The following JAK1 variants were observed in gnomAD, a reference collection of about 807,000 sequenced individuals.
The protein encoded by JAK1 is Janus kinase 1.
In JAK1, 16 loss-of-function variants were observed where a neutral mutation model predicts 136.6. The observed-to-expected ratio is 0.12, with a 90% CI of 0.08 to 0.18. The LOEUF (loss-of-function observed/expected upper bound fraction) is 0.18. JAK1 is among the 10% of genes least tolerant of loss of function. JAK1 has a pLI of 1.00. For synonymous variants in JAK1, 492 were observed against 519.5 expected (o/e 0.95, Z 0.72); for missense variants, 859 against 1,450.1 (o/e 0.59, Z 6.62).
At chr1:64,852,880 C>T (rs1233226621) in intron 11 of JAK1, among the ~76,000 whole-genome samples, 1 of 152,164 alleles carries the variant, frequency 6.6e-6, no homozygotes, top group African/African-American at 2.4e-5. Flanking sequence ...ACTGGCATTA[C>T]ATCTTAGTCA....
chr1:65,061,687 T>C (rs1647797940), intron 1 of JAK1, among the ~76,000 whole-genome samples: 1 of 152,226 alleles, frequency 6.6e-6, no homozygotes. Context: ...CACACTGAGA[T>C]GTTATAAACT....
intron 1 of JAK1, chr1:65,058,444 C>T: frequency 1.9e-6 from 1 of 534,418 alleles, no homozygotes; most frequent in South Asian, 1.4e-5. Flanking sequence ...TGCCATCCTT[C>T]AGTTATCACA....
chr1:65,036,438 G>T (rs1462394121), intron 2 of JAK1, among the ~76,000 whole-genome samples: 1 of 152,016 alleles, frequency 6.6e-6, no homozygotes, highest in Non-Finnish European at 1.5e-5. Context: ...CCCCGTGCAG[G>T]CCAAAGTTAT....
intron 11 of JAK1, among the ~76,000 whole-genome samples, chr1:64,853,975 T>C (rs562575483): frequency 5.9e-5 from 9 of 152,342 alleles, no homozygotes; most frequent in South Asian, 4.1e-4. Context: ...TAAATAGGGC[T>C]GTTGGGCTTT....
At chr1:64,935,305 T>C (rs1404148114) in intron 1 of JAK1, among the ~76,000 whole-genome samples, 1 of 152,106 alleles carries the variant, frequency 6.6e-6, no homozygotes, top group African/African-American at 2.4e-5. Flanking sequence ...TAACTCTTTT[T>C]TTTGTTTGTT....
At chr1:64,896,815 G>A (rs562201474) in intron 1 of JAK1, among the ~76,000 whole-genome samples, 18 of 152,276 alleles carry the variant, frequency 1.2e-4, no homozygotes, top group Admixed American at 2.0e-4. Flanking sequence ...TCCAGAGGAC[G>A]GCAGGGAAAA....
intron 6 of JAK1, 139 bp downstream of exon 6, chr1:64,869,172 A>C: frequency 1.4e-6 from 1 of 719,716 alleles, no homozygotes; most frequent in Non-Finnish European, 2.4e-6. Context: ...TGTATGTAGT[A>C]AACATTCTAA....
At chr1:64,861,582 G>A (rs188483154) in intron 8 of JAK1, among the ~76,000 whole-genome samples, 4 of 152,262 alleles carry the variant, frequency 2.6e-5, no homozygotes, top group Admixed American at 1.3e-4. Flanking sequence ...AAAAGCATCT[G>A]AGGCTTCAAA....
At chr1:64,953,393 G>A (rs1646125642) in intron 1 of JAK1, among the ~76,000 whole-genome samples, 1 of 152,104 alleles carries the variant, frequency 6.6e-6, no homozygotes, top group African/African-American at 2.4e-5. Flanking sequence ...AGTGGCAGAG[G>A]ACAGCCTCAC....
intron 1 of JAK1, among the ~76,000 whole-genome samples, chr1:64,963,003 C>T (rs1430901571): frequency 1.3e-5 from 2 of 152,168 alleles, no homozygotes; most frequent in Non-Finnish European, 2.9e-5. Context: ...ACCTGGGAGG[C>T]AGAGGTTGCA....
intron 1 of JAK1, among the ~76,000 whole-genome samples, chr1:64,932,048 T>C: frequency 6.6e-6 from 1 of 152,100 alleles, no homozygotes; most frequent in South Asian, 2.1e-4. Context: ...AACTGGATCC[T>C]CTGATCAGGT....
intron 1 of JAK1, among the ~76,000 whole-genome samples, chr1:64,926,977 T>C (rs1645593928): frequency 6.6e-6 from 1 of 152,234 alleles, no homozygotes; most frequent in East Asian, 1.9e-4. Flanking sequence ...GCTACTGTTA[T>C]CATCATCACT....
At chr1:64,931,362 A>C (rs1645688667) in intron 1 of JAK1, among the ~76,000 whole-genome samples, 1 of 152,040 alleles carries the variant, frequency 6.6e-6, no homozygotes, top group African/African-American at 2.4e-5. Flanking sequence ...TCCCATAAGA[A>C]GGGAGGGCCA....
intron 1 of JAK1, among the ~76,000 whole-genome samples, chr1:65,062,413 T>C (rs1179239823): frequency 6.6e-6 from 1 of 152,234 alleles, no homozygotes; most frequent in Non-Finnish European, 1.5e-5. Flanking sequence ...AATTAATCTA[T>C]GATTGCCTTA....
intron 1 of JAK1, among the ~76,000 whole-genome samples, chr1:64,900,354 T>A (rs1463867167): frequency 6.6e-6 from 1 of 152,172 alleles, no homozygotes; most frequent in Non-Finnish European, 1.5e-5. Flanking sequence ...ACAGATGAGC[T>A]CCATTCTAGG....
chr1:64,985,626 A>C (rs940550776), intron 2 of JAK1: 13 of 805,878 alleles, frequency 1.6e-5, no homozygotes, highest in Non-Finnish European at 2.7e-5. Flanking sequence ...CAGCTGGTTG[A>C]GAGTGCCAAA....
At chr1:64,836,276 C>A in intron 22 of JAK1, 61 bp from the exon 23 acceptor site, 1 of 921,834 alleles carries the variant, frequency 1.1e-6, no homozygotes, top group South Asian at 1.4e-5. Flanking sequence ...TCCGACATTA[C>A]AGGATAACTG....
At chr1:64,864,610 G>T (rs1284594432) in intron 8 of JAK1, among the ~76,000 whole-genome samples, 177 bp downstream of exon 8, 1 of 152,182 alleles carries the variant, frequency 6.6e-6, no homozygotes, top group African/African-American at 2.4e-5. Context: ...GGAATGTATC[G>T]GTGTAACTTT....
At chr1:64,869,704 G>C (rs188017571) in intron 5 of JAK1, among the ~76,000 whole-genome samples, 1 of 152,316 alleles carries the variant, frequency 6.6e-6, no homozygotes. Context: ...ACTATGCCAG[G>C]CACTGGGGAA....
Sources: gnomAD v4.1 joint callset for allele counts (sites outside exome capture counted in the v4.1 genomes callset) on GRCh38, gnomAD v4.1.1 for gene constraint, MANE v1.5 for transcripts, NCBI Gene and HGNC (gene_info 2026-07-23, HGNC 2026-07-21) for gene names.